MAGI2: variants seen among roughly 807,000 people sequenced by gnomAD.
MAGI2 encodes the protein membrane-associated guanylate kinase, WW and PDZ domain-containing protein 2.
A neutral mutation model predicts 133.3 loss-of-function variants in MAGI2; 35 were observed. The ratio of observed to expected loss-of-function variants is 0.26; its 90% CI spans 0.20 to 0.35. The LOEUF is 0.35. Ranked by LOEUF, MAGI2 falls within the 10% of genes least tolerant of loss-of-function variation. The pLI, the probability that MAGI2 is intolerant of heterozygous loss-of-function variation, is 1.00. For synonymous variants in MAGI2, 729 were observed against 710.6 expected (o/e 1.03, Z -0.41); for missense variants, 1,636 against 1,863.4 (o/e 0.88, Z 2.25).
At chr7:78,277,098 C>T (rs1180346228) in intron 9 of MAGI2, among the ~76,000 whole-genome samples, 4 of 152,200 alleles carry the variant, frequency 2.6e-5, no homozygotes, top group African/African-American at 4.8e-5. Flanking sequence ...GTGTAACTTA[C>T]ATTAGTTTGA....
At chr7:79,267,199 C>T (rs982302967) in intron 1 of MAGI2, among the ~76,000 whole-genome samples, 1 of 152,188 alleles carries the variant, frequency 6.6e-6, no homozygotes, top group Non-Finnish European at 1.5e-5. Flanking sequence ...TGTTAGCCAA[C>T]TCTATTCTCC....
chr7:78,555,200 GGATA>G (rs201538875), intron 3 of MAGI2, among the ~76,000 whole-genome samples: 24 of 92,714 alleles, frequency 2.6e-4, no homozygotes, highest in South Asian at 3.9e-4. Context: ...TTGGATGGAT[GGATA>G]GATAGATAGA....
intron 10 of MAGI2, among the ~76,000 whole-genome samples, chr7:78,202,458 G>A (rs1022848940): frequency 2.0e-5 from 3 of 152,068 alleles, no homozygotes; most frequent in Admixed American, 6.5e-5. Context: ...CGAGGCGGGC[G>A]GATTACCCAA....
At chr7:78,543,572 A>C (rs1798585346) in intron 3 of MAGI2, among the ~76,000 whole-genome samples, 1 of 152,252 alleles carries the variant, frequency 6.6e-6, no homozygotes, top group Non-Finnish European at 1.5e-5. Flanking sequence ...GAAAAGGGCA[A>C]ATCCTTAGTA....
intron 10 of MAGI2, chr7:78,253,400 G>A (rs555682135): frequency 7.2e-5 from 11 of 152,260 alleles, no homozygotes; most frequent in South Asian, 4.1e-4. Flanking sequence ...GGGAGAATTC[G>A]GGATGATGGA....
At chr7:78,546,367 C>A (rs17150992) in intron 3 of MAGI2, among the ~76,000 whole-genome samples, 2 of 151,848 alleles carry the variant, frequency 1.3e-5, no homozygotes, top group Admixed American at 6.6e-5. Flanking sequence ...GGTAGCATAC[C>A]AGATTTAAAC....
intron 15 of MAGI2, among the ~76,000 whole-genome samples, chr7:78,167,465 A>G (rs186606708): frequency 5.9e-5 from 9 of 152,292 alleles, no homozygotes; most frequent in Non-Finnish European, 1.0e-4. Context: ...TTTCTATATC[A>G]GGAGCAACAG....
At chr7:78,061,408 G>GTA (rs1813243560) in intron 21 of MAGI2, among the ~76,000 whole-genome samples, 1 of 99,636 alleles carries the variant, frequency 1.0e-5, no homozygotes, top group African/African-American at 4.5e-5. Flanking sequence ...GGGACTGGTT[G>GTA]TACACACACA....
chr7:78,527,412 C>A (rs1797072086), intron 3 of MAGI2, among the ~76,000 whole-genome samples: 1 of 152,182 alleles, frequency 6.6e-6, no homozygotes, highest in South Asian at 2.1e-4. Flanking sequence ...TTTTACCTTT[C>A]TTCTGATTCC....
At chr7:79,115,874 T>G (rs1186175639) in intron 1 of MAGI2, among the ~76,000 whole-genome samples, 2 of 149,914 alleles carry the variant, frequency 1.3e-5, no homozygotes, top group African/African-American at 4.9e-5. Flanking sequence ...TTTTTTTTTT[T>G]TTTTTTTTAA....
intron 1 of MAGI2, among the ~76,000 whole-genome samples, chr7:79,393,514 T>A (rs1051568825): frequency 5.9e-5 from 9 of 152,120 alleles, no homozygotes. Flanking sequence ...TTAAGTTTTA[T>A]AAAAAAATTA....
intron 1 of MAGI2, among the ~76,000 whole-genome samples, chr7:79,066,701 G>A (rs917507545): frequency 4.6e-5 from 7 of 152,002 alleles, no homozygotes; most frequent in Admixed American, 3.3e-4. Flanking sequence ...TGTCCTGAAT[G>A]GTATTGCCTA....
intron 1 of MAGI2, among the ~76,000 whole-genome samples, chr7:79,343,101 G>C (rs1052581670): frequency 1.3e-5 from 2 of 151,992 alleles, no homozygotes; most frequent in Non-Finnish European, 2.9e-5. Context: ...CTTTACTGAG[G>C]CATAATTGAA....
intron 3 of MAGI2, among the ~76,000 whole-genome samples, chr7:78,589,484 C>T (rs575097646): frequency 6.6e-6 from 1 of 152,284 alleles, no homozygotes; most frequent in African/African-American, 2.4e-5. Context: ...AACTGCTATC[C>T]TATATTACCA....
At chr7:78,465,944 T>C (rs1790579503) in intron 6 of MAGI2, among the ~76,000 whole-genome samples, 1 of 152,182 alleles carries the variant, frequency 6.6e-6, no homozygotes, top group Non-Finnish European at 1.5e-5. Context: ...TTGGGATAGA[T>C]GAATGTTCAG....
At chr7:78,777,495 G>A (rs765912193) in intron 2 of MAGI2, among the ~76,000 whole-genome samples, 8 of 151,864 alleles carry the variant, frequency 5.3e-5, no homozygotes, top group Admixed American at 1.3e-4. Context: ...CACCACCATC[G>A]TCATCATAAC....
At chr7:78,645,217 C>A (rs1810740256) in intron 2 of MAGI2, among the ~76,000 whole-genome samples, 1 of 151,886 alleles carries the variant, frequency 6.6e-6, no homozygotes, top group South Asian at 2.1e-4. Context: ...CTGGTGAATT[C>A]CATGACATAT....
chr7:78,427,969 C>A (rs1799449201), intron 6 of MAGI2, among the ~76,000 whole-genome samples: 1 of 152,134 alleles, frequency 6.6e-6, no homozygotes, highest in South Asian at 2.1e-4. Flanking sequence ...AATTTTTCAT[C>A]CTATGCCATC....
intron 1 of MAGI2, among the ~76,000 whole-genome samples, chr7:79,180,563 C>T (rs1428708881): frequency 6.6e-6 from 1 of 152,018 alleles, no homozygotes; most frequent in Non-Finnish European, 1.5e-5. Flanking sequence ...CCCACTGGTT[C>T]CATCCCACAA....
Sources: allele counts gnomAD v4.1 joint callset (sites outside exome capture counted in the v4.1 genomes callset), GRCh38; gene constraint gnomAD v4.1.1; transcripts MANE v1.5; gene names NCBI Gene and HGNC (gene_info 2026-07-23, HGNC 2026-07-21).